TBCD: variants seen among roughly 807,000 people sequenced by gnomAD.
TBCD encodes tubulin-specific chaperone D.
Under a neutral mutation model 169.3 loss-of-function variants are expected in TBCD, and 105 were observed. The ratio of observed to expected loss-of-function variants is 0.62; its 90% CI spans 0.53 to 0.73. The LOEUF (loss-of-function observed/expected upper bound fraction) is 0.73, where lower values mean the gene tolerates loss of function less well. TBCD is among the 30% of genes least tolerant of loss of function. TBCD has a pLI of 0.00. For synonymous variants in TBCD, 700 were observed against 643.9 expected (o/e 1.09, Z -1.32); for missense variants, 1,444 against 1,600.1 (o/e 0.90, Z 1.66).
chr17:82,935,675 C>T (rs931715885), intron 34 of TBCD, among the ~76,000 whole-genome samples: 3 of 152,332 alleles, frequency 2.0e-5, no homozygotes, highest in East Asian at 1.9e-4. Flanking sequence ...GATATTAGAA[C>T]GTGTTGGTTC....
intron 12 of TBCD, among the ~76,000 whole-genome samples, chr17:82,812,284 C>T (rs915285200): frequency 6.6e-6 from 1 of 152,206 alleles, no homozygotes; most frequent in African/African-American, 2.4e-5. Context: ...CGGTGTGGAG[C>T]GTCTGGAAGC....
At chr17:82,876,885 C>T (rs148238438) in intron 14 of TBCD, 20,943 of 801,120 alleles carry the variant, frequency 0.026, 309 homozygotes, top group Middle Eastern at 0.036. Context: ...GAGAGGGAGC[C>T]GGGAGTGCCT....
rs1490916727 is a variant in TBCD at position 82,945,823 on chromosome 17, G to C, written c.*3360G>C. The C allele has an allele frequency of 6.6e-6, 1 of 152,230 alleles. No individual in the cohort carries two copies. The highest frequency in any genetic ancestry group is 1.5e-5 in the Non-Finnish European group (1 of 68,036). 9.4% of individuals were successfully genotyped at this position (152,230 alleles called of 1,614,324 possible). A position where few individuals can be genotyped will look rare whatever the true frequency, so the allele number is the denominator to read the frequency against. The stretch of plus-strand genomic sequence containing the variant: ...CTGGTTGAGAACCACTGCTTTAGTG[G>C]ATAAACTTTAGGCAGGAGGGAAATG... On this transcript the variant is annotated 3_prime_UTR_variant, in exon 39 of 39. Coordinates refer to ENST00000355528, the MANE Select transcript of TBCD (RefSeq NM_005993.5).
intron 23 of TBCD, chr17:82,913,884 A>C (rs866109973): frequency 3.9e-5 from 6 of 152,242 alleles, no homozygotes; most frequent in African/African-American, 1.4e-4. Context: ...GGAGGAAACC[A>C]TGGAAAAACC....
intron 23 of TBCD, among the ~76,000 whole-genome samples, chr17:82,917,526 C>T (rs926650055): frequency 6.6e-6 from 1 of 152,172 alleles, no homozygotes; most frequent in African/African-American, 2.4e-5. Flanking sequence ...TGAAAAGCAT[C>T]TCCACCAAGC....
At chr17:82,858,692 A>T in intron 13 of TBCD, 1 of 977,004 alleles carries the variant, frequency 1.0e-6, no homozygotes, top group East Asian at 1.1e-4. Flanking sequence ...TTTTCCTTGT[A>T]CTTACCTTCA....
At chr17:82,830,470 C>A in intron 13 of TBCD, 1 of 1,613,058 alleles carries the variant, frequency 6.2e-7, no homozygotes, top group Non-Finnish European at 8.5e-7. Context: ...AGCCTCCTCG[C>A]CGGGGCCTGT....
intron 23 of TBCD, chr17:82,918,236 A>T (rs2061191460): frequency 6.6e-6 from 1 of 152,060 alleles, no homozygotes; most frequent in South Asian, 2.1e-4. Context: ...ATGTGTGTCT[A>T]GTTTCGTGCA....
chr17:82,934,258 G>C (rs994535327), intron 34 of TBCD, among the ~76,000 whole-genome samples: 1 of 152,172 alleles, frequency 6.6e-6, no homozygotes, highest in Non-Finnish European at 1.5e-5. Context: ...CTTAACCTTC[G>C]GGCGGGAGGC....
At position 82,920,367 on chromosome 17, in the gene TBCD, C is replaced by T. The variant is rs1163601370; in HGVS notation, c.2039-189C>T. 1.5e-5 allele frequency: 9 copies of T among 620,542 alleles called. No homozygotes were observed. The highest frequency in any genetic ancestry group is 2.3e-5 in the Non-Finnish European group (8 of 353,846). 38.4% of individuals were successfully genotyped at this position (620,542 alleles called of 1,614,324 possible). On this transcript the variant is annotated intron_variant, in intron 23 of 38. Coordinates refer to ENST00000355528, the MANE Select transcript of TBCD (RefSeq NM_005993.5). The surrounding 1 kb of genome is among the most constrained non-coding windows in gnomAD (Gnocchi z 4.1). ...TCTTCAGGCTGCTCAGCGGAGGAGG[C>T]GTCTTGGGCTTCTCATGGTGGTTCT... is the stretch of plus-strand genomic sequence containing the variant.
rs2053921859 is a variant in TBCD at position 82,835,806 on chromosome 17, CATTT to C, written c.1318+20878_1318+20881del. Among the ~76,000 whole-genome samples the C allele has an allele frequency of 6.6e-6, 1 of 152,296 alleles. No homozygotes were observed. Among genetic ancestry groups the C allele is most frequent in the Middle Eastern group, 3.4e-3 (1 of 294 alleles). On this transcript the variant is annotated intron_variant, in intron 13 of 38. Transcript: ENST00000355528. The surrounding 1 kb of genome is among the most constrained non-coding windows in gnomAD (Gnocchi z 4.5). ...TTAACATACTTTAAGTTCTTTAAGA[CATTT>C]ATTTACTAAGAAGTGGTTTGGGTAG...
intron 29 of TBCD, 107 bp from the exon 30 acceptor site, chr17:82,927,798 G>A (rs773852684): frequency 5.4e-6 from 5 of 919,926 alleles, no homozygotes; most frequent in Non-Finnish European, 8.6e-6. Context: ...TCTGTGTGGG[G>A]TTAGTCACGG....
intron 36 of TBCD, 103 bp from the exon 37 acceptor site, chr17:82,939,264 T>A: frequency 1.1e-6 from 1 of 895,222 alleles, no homozygotes; most frequent in Admixed American, 2.0e-5. Flanking sequence ...GTCCTCCTCC[T>A]GACGCCTTCC....
At chr17:82,842,780 CTTTT>C (rs375870095) in intron 13 of TBCD, among the ~76,000 whole-genome samples, 4 of 129,894 alleles carry the variant, frequency 3.1e-5, no homozygotes, top group Admixed American at 7.7e-5. Context: ...TTCTTTCTTT[CTTTT>C]TTTTTTTTTT....
intron 13 of TBCD, among the ~76,000 whole-genome samples, chr17:82,842,947 A>AT (rs1567872831): frequency 6.6e-6 from 1 of 151,416 alleles, no homozygotes; most frequent in African/African-American, 2.4e-5. Flanking sequence ...CGTCCGGCTG[A>AT]TTTTTTGTAT....
rs188647073 is a variant in TBCD, at chr17:82,914,550, C to T, written c.2038+2761C>T. On this transcript the variant is annotated intron_variant, in intron 23 of 38. Transcript: ENST00000355528. Reference sequence around the variant, plus strand: ...ACTCCCTCACACCGCTGAGTGCAAACGCGGCACTCCTGCACATGTCGCCTC... The same window carrying T: ...ACTCCCTCACACCGCTGAGTGCAAATGCGGCACTCCTGCACATGTCGCCTC... Among the ~76,000 whole-genome samples the T allele has an allele frequency of 1.6e-3, 239 of 152,260 alleles. 4 individuals carry two copies. The highest frequency in any genetic ancestry group is 5.2e-3 in the African/African-American group (218 of 41,552).
chr17:82,756,045 G>C, intron 1 of TBCD, 120 bp from the exon 2 acceptor site: 1 of 866,406 alleles, frequency 1.2e-6, no homozygotes, highest in African/African-American at 1.7e-5. Context: ...GTGTGCTCTT[G>C]AGAGCTGGGG....
intron 9 of TBCD, among the ~76,000 whole-genome samples, chr17:82,802,780 G>T (rs1312367441): frequency 7.7e-6 from 1 of 130,574 alleles, no homozygotes; most frequent in Non-Finnish European, 1.6e-5. Context: ...TCACATGCTG[G>T]TCCAGAGCCC....
At chr17:82,773,986 C>T (rs922940593) in intron 6 of TBCD, among the ~76,000 whole-genome samples, 1 of 151,710 alleles carries the variant, frequency 6.6e-6, no homozygotes, top group Admixed American at 6.6e-5. Flanking sequence ...ACCTCGGCCT[C>T]CCAAAGTGCT....
Sources: allele counts gnomAD v4.1 joint callset (sites outside exome capture counted in the v4.1 genomes callset), GRCh38; gene constraint gnomAD v4.1.1; non-coding constraint Gnocchi (gnomAD v3.1); transcripts MANE v1.5; gene names NCBI Gene and HGNC (gene_info 2026-07-23, HGNC 2026-07-21).